Variants in TUBGCP5 observed in about 807,000 individuals in gnomAD.
The protein encoded by TUBGCP5 is tubulin gamma complex component 5.
Under a neutral mutation model 134.7 loss-of-function variants are expected in TUBGCP5, and 98 were observed. The ratio of observed to expected loss-of-function variants is 0.73; its 90% CI spans 0.62 to 0.86. TUBGCP5 has a LOEUF of 0.86. Ranked by LOEUF, TUBGCP5 falls within the 40% of genes least tolerant of loss-of-function variation. The probability of loss-of-function intolerance (pLI) is 0.00; values close to 1 mark genes in which losing one functional copy is unlikely to be tolerated. For missense variants in TUBGCP5, 1,150 were observed against 1,244.8 expected, an observed-to-expected ratio of 0.92 and a Z score of 1.15; for synonymous variants, 456 against 431.4, an observed-to-expected ratio of 1.06 and a Z score of -0.71.
At chr15:23,009,270 A>G (rs992437077) in intron 15 of TUBGCP5, among the ~76,000 whole-genome samples, 5 of 147,942 alleles carry the variant, frequency 3.4e-5, no homozygotes, top group Non-Finnish European at 5.9e-5. Context: ...TTTAATTGCC[A>G]TAATTTTTTT....
rs1375809099 is a variant in TUBGCP5, at chr15:23,013,992, T to C, written c.1757-2661A>G. 6.6e-5 allele frequency among the ~76,000 whole-genome samples: 10 copies of C among 152,190 alleles called. No homozygotes were observed. Among genetic ancestry groups the C allele is most frequent in the African/African-American group, 1.9e-4 (8 of 41,518 alleles). On this transcript the variant is annotated intron_variant, in intron 13 of 22. Coordinates refer to ENST00000615383, the MANE Select transcript of TUBGCP5 (RefSeq NM_052903.6). The surrounding 1 kb of genome is among the most constrained non-coding windows in gnomAD (Gnocchi z 4.5). Reference sequence around the variant, plus strand: ...GCCCAGGATCGACTGGTGATTCTGGTCCTGCACAGCAGAAAAACCAGCCCC... The same window carrying C: ...GCCCAGGATCGACTGGTGATTCTGGCCCTGCACAGCAGAAAAACCAGCCCC...
intron 1 of TUBGCP5, among the ~76,000 whole-genome samples, chr15:23,038,635 A>G (rs2066731525): frequency 6.6e-6 from 1 of 152,214 alleles, no homozygotes; most frequent in Non-Finnish European, 1.5e-5. Flanking sequence ...TCATTATTCA[A>G]GAAGATTTTT....
exon 24 of TUBGCP5, chr15:22,983,244 G>A (rs755521211): frequency 3.9e-5 from 6 of 152,244 alleles, no homozygotes; most frequent in South Asian, 2.1e-4. Flanking sequence ...AAATAAACAC[G>A]TAACATTCAC....
At chr15:23,032,700 T>C in intron 4 of TUBGCP5, 28 bp downstream of exon 4, 1 of 1,441,500 alleles carries the variant, frequency 6.9e-7, no homozygotes, top group Non-Finnish European at 9.4e-7. Context: ...CTTTTACTTC[T>C]CATATGTTAA....
intron 23 of TUBGCP5, among the ~76,000 whole-genome samples, chr15:22,986,809 G>T (rs1434180419): frequency 6.6e-6 from 1 of 152,072 alleles, no homozygotes; most frequent in Non-Finnish European, 1.5e-5. Flanking sequence ...GGTCTGCAGG[G>T]AATAGGATGG....
intron 6 of TUBGCP5, among the ~76,000 whole-genome samples, chr15:23,029,899 G>A (rs1406776032): frequency 1.3e-5 from 2 of 151,866 alleles, no homozygotes; most frequent in African/African-American, 4.8e-5. Flanking sequence ...GGGGTGGGGG[G>A]GAAGAGCAAA....
In TUBGCP5 at chr15:23,014,614, G is replaced by A. The variant is rs572110608; in HGVS notation, c.1756+3159C>T. The stretch of plus-strand genomic sequence containing the variant: ...CTGCCACTGGCAGATACATACCTAG[G>A]ACGGCCAACAAGCCATGTGACCATG... On this transcript the variant is annotated intron_variant, in intron 13 of 22. Coordinates refer to ENST00000615383, the MANE Select transcript of TUBGCP5 (RefSeq NM_052903.6). 4.6e-5 allele frequency among the ~76,000 whole-genome samples: 7 copies of A among 152,290 alleles called. No homozygotes were observed. The South Asian group carries it at 1.4e-3, about 32-fold the overall frequency.
At chr15:23,018,178 G>A in intron 12 of TUBGCP5, 137 bp from the exon 13 acceptor site, 2 of 800,434 alleles carry the variant, frequency 2.5e-6, no homozygotes, top group Non-Finnish European at 3.9e-6. Flanking sequence ...GGCAAAATGG[G>A]ACAGTTTTAA....
At chr15:23,030,787 G>T in intron 6 of TUBGCP5, 98 bp downstream of exon 6, 2 of 1,443,080 alleles carry the variant, frequency 1.4e-6, no homozygotes, top group Non-Finnish European at 1.9e-6. Flanking sequence ...GTAGAGCTTA[G>T]CCAATACCTT....
At chr15:22,999,929 T>G (rs77870613) in intron 22 of TUBGCP5, 63 bp from the exon 23 acceptor site, 39 of 1,510,648 alleles carry the variant, frequency 2.6e-5, no homozygotes, top group Middle Eastern at 1.7e-4. Flanking sequence ...AAATTTTTTT[T>G]GAAGACGGAG....
intron 19 of TUBGCP5, 75 bp downstream of exon 19, chr15:23,005,357 A>G (rs1337807618): frequency 1.2e-5 from 18 of 1,495,806 alleles, no homozygotes; most frequent in Non-Finnish European, 1.5e-5. Context: ...ACTTATAAAC[A>G]TAGTATGAGT....
chr15:23,001,821 A>C (rs1333620471), intron 21 of TUBGCP5, among the ~76,000 whole-genome samples: 3 of 152,122 alleles, frequency 2.0e-5, no homozygotes, highest in African/African-American at 4.8e-5. Flanking sequence ...CACCACAGTC[A>C]TGAATATTTC....
At position 22,999,803 on chromosome 15, in the gene TUBGCP5, T is replaced by C. The variant is rs746032535; in HGVS notation, c.*17A>G. ...GTATGATGACAAAGTCGGAGATATT[T>C]ATTACGCTGAAGACATTTAACTTTG... On this transcript the variant is annotated 3_prime_UTR_variant, in exon 23 of 23. Coordinates refer to ENST00000615383, the MANE Select transcript of TUBGCP5 (RefSeq NM_052903.6). 6.2e-7 allele frequency: 1 copy of C among 1,612,080 alleles called. No homozygotes were observed. Among genetic ancestry groups the C allele is most frequent in the Non-Finnish European group, 8.5e-7 (1 of 1,178,112 alleles).
chr15:23,017,737 A>G, intron 13 of TUBGCP5, 36 bp downstream of exon 13: 1 of 1,588,784 alleles, frequency 6.3e-7, no homozygotes, highest in Non-Finnish European at 8.6e-7. Context: ...CAGGTGTCCC[A>G]ACACCAAGAG....
At chr15:23,006,964 G>A (rs927708870) in intron 16 of TUBGCP5, among the ~76,000 whole-genome samples, 1 of 152,144 alleles carries the variant, frequency 6.6e-6, no homozygotes, top group Non-Finnish European at 1.5e-5. Flanking sequence ...GAGAAATGAT[G>A]TCCTCTTCCA....
chr15:22,989,487 G>T (rs982725918), intron 23 of TUBGCP5, among the ~76,000 whole-genome samples: 1 of 152,056 alleles, frequency 6.6e-6, no homozygotes. Context: ...TGTTAACTTG[G>T]CACCCATACA....
intron 1 of TUBGCP5, among the ~76,000 whole-genome samples, chr15:23,039,030 T>C (rs1352847640): frequency 7.9e-6 from 1 of 125,984 alleles, no homozygotes; most frequent in South Asian, 2.5e-4. Context: ...ATCTCTTTAA[T>C]TTAAAAAAAA....
chr15:22,997,409 A>T (rs1001448007), downstream of TUBGCP5, among the ~76,000 whole-genome samples: 4 of 151,040 alleles, frequency 2.6e-5, no homozygotes, highest in African/African-American at 9.8e-5. Flanking sequence ...GGAACTCTTG[A>T]CCTCAGGTGA....
chr15:23,006,619 GA>G (rs2064729762), intron 16 of TUBGCP5, among the ~76,000 whole-genome samples: 1 of 152,204 alleles, frequency 6.6e-6, no homozygotes, highest in African/African-American at 2.4e-5. Flanking sequence ...GAAAAAGGAT[GA>G]AGCTGAGGAA....
Sources: gnomAD v4.1 joint callset for allele counts (sites outside exome capture counted in the v4.1 genomes callset) on GRCh38, gnomAD v4.1.1 for gene constraint, Gnocchi (gnomAD v3.1) non-coding constraint, MANE v1.5 for transcripts, NCBI Gene and HGNC (gene_info 2026-07-23, HGNC 2026-07-21) for gene names.